The following STXBP5L variants were observed in gnomAD, a reference collection of about 807,000 sequenced individuals.
STXBP5L encodes syntaxin binding protein 5L.
A neutral mutation model predicts 144.5 loss-of-function variants in STXBP5L; 65 were observed. That is an observed-to-expected ratio of 0.45 (90% CI 0.37 to 0.55). The LOEUF (loss-of-function observed/expected upper bound fraction) is 0.55. STXBP5L is among the 20% of genes least tolerant of loss of function. STXBP5L has a pLI of 0.00. For synonymous variants in STXBP5L, 505 were observed against 469.6 expected, an observed-to-expected ratio of 1.08 and a Z score of -0.97; for missense variants, 1,298 against 1,405.5, an observed-to-expected ratio of 0.92 and a Z score of 1.22.
At chr3:120,993,945 C>T (rs556581159) in intron 3 of STXBP5L, among the ~76,000 whole-genome samples, 10 of 151,888 alleles carry the variant, frequency 6.6e-5, no homozygotes, top group Admixed American at 2.6e-4. Flanking sequence ...GATATGTTTC[C>T]ATCTGTTTGT....
At chr3:121,363,969 T>C (rs2045791396) in intron 20 of STXBP5L, among the ~76,000 whole-genome samples, 1 of 152,216 alleles carries the variant, frequency 6.6e-6, no homozygotes, top group South Asian at 2.1e-4. Flanking sequence ...GCAAATATTT[T>C]CTTCCATTCT....
chr3:121,231,225 A>G (rs921254820), intron 11 of STXBP5L, among the ~76,000 whole-genome samples: 1 of 152,140 alleles, frequency 6.6e-6, no homozygotes, highest in African/African-American at 2.4e-5. Context: ...TTTTCCTAGC[A>G]TGCTCCATCT....
At chr3:121,196,857 T>TTGATTGAG (rs1553734577) in intron 9 of STXBP5L, among the ~76,000 whole-genome samples, 14 of 151,496 alleles carry the variant, frequency 9.2e-5, no homozygotes, top group African/African-American at 3.4e-4. Context: ...GATTGATTGA[T>TTGATTGAG]TGATTGATTG....
intron 3 of STXBP5L, among the ~76,000 whole-genome samples, chr3:120,957,621 T>G (rs1046866274): frequency 1.3e-5 from 2 of 151,634 alleles, no homozygotes; most frequent in Admixed American, 6.6e-5. Context: ...AGAAGTAGTA[T>G]TAGTTCTTTA....
At chr3:121,365,721 AC>A (rs2045846675) in intron 20 of STXBP5L, among the ~76,000 whole-genome samples, 2 of 148,966 alleles carry the variant, frequency 1.3e-5, no homozygotes, top group African/African-American at 4.9e-5. Flanking sequence ...TGAAGACCCA[AC>A]TTTTGATTTC....
rs1052743791 is a variant in STXBP5L at position 121,257,205 on chromosome 3, C to A, written c.1704C>A (p.Thr568=). Residue 568 remains threonine, a synonymous_variant, in exon 17 of 27, where the codon ACC becomes ACA. Coordinates refer to ENST00000471454, the MANE Select transcript of STXBP5L (RefSeq NM_001308330.2). ...RLQYDVEDII[T]PEPETSPPFP... is the part of the protein sequence containing the mutation. ...AGTATGATGTTGAAGATATTATTAC[C>A]CCTGAACCAGAAACAAGTCCTCCGT... The A allele has an allele frequency of 6.8e-6, 11 of 1,613,110 alleles. No individual in the cohort carries two copies. Among genetic ancestry groups the A allele is most frequent in the Non-Finnish European group, 9.3e-6 (11 of 1,179,482 alleles).
At chr3:121,396,578 G>A (rs1467705523) in intron 22 of STXBP5L, among the ~76,000 whole-genome samples, 1 of 152,184 alleles carries the variant, frequency 6.6e-6, no homozygotes, top group Non-Finnish European at 1.5e-5. Flanking sequence ...AGAGAGTTAG[G>A]TTCCAATCCT....
chr3:121,391,708 A>T (rs1560049680), intron 22 of STXBP5L, among the ~76,000 whole-genome samples: 1 of 152,230 alleles, frequency 6.6e-6, no homozygotes, highest in Non-Finnish European at 1.5e-5. Flanking sequence ...TGGTATCACC[A>T]GCAGAAGCTG....
chr3:121,377,579 C>T (rs1356117309), intron 20 of STXBP5L, among the ~76,000 whole-genome samples: 1 of 152,220 alleles, frequency 6.6e-6, no homozygotes, highest in African/African-American at 2.4e-5. Flanking sequence ...AAAAGCTCAT[C>T]ATCACTGGTC....
chr3:120,982,824 AT>A (rs1421506181), intron 3 of STXBP5L, among the ~76,000 whole-genome samples: 1 of 152,116 alleles, frequency 6.6e-6, no homozygotes, highest in African/African-American at 2.4e-5. Context: ...CAGTCCCCCA[AT>A]TTCCAGGCCC....
chr3:121,092,704 A>C (rs2042879957), intron 5 of STXBP5L, among the ~76,000 whole-genome samples: 1 of 152,228 alleles, frequency 6.6e-6, no homozygotes, highest in African/African-American at 2.4e-5. Context: ...ATACACAATC[A>C]TGTCATCTGC....
At chr3:121,055,240 G>T (rs912678499) in intron 5 of STXBP5L, among the ~76,000 whole-genome samples, 2 of 152,114 alleles carry the variant, frequency 1.3e-5, no homozygotes, top group Non-Finnish European at 2.9e-5. Context: ...ATCTATCGAA[G>T]TATGGTGAAT....
chr3:121,407,662 T>C (rs2108743199), intron 23 of STXBP5L, 59 bp downstream of exon 23: 1 of 1,598,650 alleles, frequency 6.3e-7, no homozygotes, highest in East Asian at 2.2e-5. Context: ...GGTACAATCC[T>C]AAAAAATATA....
At chr3:121,012,835 C>T (rs1944881805) in intron 3 of STXBP5L, among the ~76,000 whole-genome samples, 1 of 143,870 alleles carries the variant, frequency 7.0e-6, no homozygotes, top group African/African-American at 2.5e-5. Flanking sequence ...CCCTTATCCA[C>T]CTTCCATCTT....
At chr3:121,009,456 T>A (rs1015764809) in intron 3 of STXBP5L, among the ~76,000 whole-genome samples, 3 of 152,016 alleles carry the variant, frequency 2.0e-5, no homozygotes, top group African/African-American at 7.2e-5. Flanking sequence ...ACTGCTTGGA[T>A]CCTTGCTCAG....
intron 7 of STXBP5L, among the ~76,000 whole-genome samples, chr3:121,125,164 T>A (rs2044648031): frequency 6.6e-6 from 1 of 152,022 alleles, no homozygotes; most frequent in African/African-American, 2.4e-5. Flanking sequence ...AAAGTTAAGG[T>A]TCCTACAAAA....
intron 14 of STXBP5L, among the ~76,000 whole-genome samples, chr3:121,240,724 C>T (rs75749427): frequency 0.093 from 14,130 of 152,104 alleles, 1,242 homozygotes; most frequent in East Asian, 0.49. Context: ...ATTATATCAC[C>T]AGGAGAAGGT....
chr3:121,199,414 T>C (rs903896577), intron 9 of STXBP5L, among the ~76,000 whole-genome samples: 1 of 152,082 alleles, frequency 6.6e-6, no homozygotes, highest in African/African-American at 2.4e-5. Context: ...ATATACAATC[T>C]TGTCATCTGC....
chr3:121,064,216 C>T lies in STXBP5L; in HGVS notation c.470+18681C>T, dbSNP rs72968858. ...CACAGTCCCTCACAGCTTCCCTTGG[C>T]TAAGGTAGGGAGTTCCTCAACCCCT... On this transcript the variant is annotated intron_variant, in intron 5 of 26. Transcript: ENST00000471454. Among the ~76,000 whole-genome samples the T allele has an allele frequency of 2.6e-3, 394 of 152,290 alleles. 1 individual carries two copies. Among genetic ancestry groups the T allele is most frequent in the African/African-American group, 8.9e-3 (368 of 41,568 alleles).
Sources: gnomAD v4.1 joint callset for allele counts (sites outside exome capture counted in the v4.1 genomes callset) on GRCh38, gnomAD v4.1.1 for gene constraint, MANE v1.5 for transcripts, NCBI Gene and HGNC (gene_info 2026-07-23, HGNC 2026-07-21) for gene names.